Variants in ATP12A observed in about 807,000 individuals in gnomAD.
ATP12A encodes the protein ATPase H+/K+ transporting non-gastric alpha2 subunit, also known as potassium-transporting ATPase alpha chain 2.
Under a neutral mutation model 111.2 loss-of-function variants are expected in ATP12A, and 81 were observed. The ratio of observed to expected loss-of-function variants is 0.73; its 90% CI spans 0.61 to 0.88. ATP12A has a LOEUF of 0.88. Among genes scored for constraint, ATP12A ranks in the 40% least tolerant of loss-of-function variants. The probability of loss-of-function intolerance (pLI) is 0.00; values close to 1 mark genes in which losing one functional copy is unlikely to be tolerated. For missense variants in ATP12A, 1,196 were observed against 1,313.1 expected (o/e 0.91, Z 1.38); for synonymous variants, 498 against 499.8 (o/e 1.00, Z 0.05).
At chr13:24,682,757 C>G (rs946095308) in intron 2 of ATP12A, among the ~76,000 whole-genome samples, 1 of 152,098 alleles carries the variant, frequency 6.6e-6, no homozygotes, top group African/African-American at 2.4e-5. Context: ...CCATCAGAGT[C>G]CCACTTCTCC....
chr13:24,698,674 T>C lies in ATP12A; in HGVS notation c.1529T>C (p.Met510Thr), dbSNP rs1875268723. Reference protein sequence around the residue: ...TNKFQLSIHEMDDPHGKRFLM... With the variant: ...TNKFQLSIHETDDPHGKRFLM... ...CCTTCCCAGCTCTCCATCCACGAGA[T>C]GGATGACCCCCACGGCAAGCGCTTC... Residue 510 changes from methionine (M) to threonine (T), a missense_variant, in exon 12 of 23, where the codon ATG becomes ACG. By Grantham distance (81) the Met-to-Thr change is moderately conservative (BLOSUM62 -1). Transcript: ENST00000381946. 2.5e-6 allele frequency: 4 copies of C among 1,613,582 alleles called. No individual in the cohort carries two copies. The highest frequency in any genetic ancestry group is 3.4e-6 in the Non-Finnish European group (4 of 1,179,960).
intron 3 of ATP12A, 115 bp from the exon 4 acceptor site, chr13:24,688,204 C>G (rs6490973): frequency 0.31 from 368,360 of 1,175,652 alleles, 62,350 homozygotes; most frequent in East Asian, 0.56. Context: ...CCTTCTTTGG[C>G]CACGTTAATG....
intron 8 of ATP12A, among the ~76,000 whole-genome samples, 171 bp from the exon 9 acceptor site, chr13:24,692,258 G>A (rs2070814): frequency 0.24 from 36,487 of 150,830 alleles, 4,804 homozygotes; most frequent in East Asian, 0.47. Flanking sequence ...GGCTCTTGGC[G>A]GCGTATAAGC....
At position 24,691,671 on chromosome 13, in the gene ATP12A, G is replaced by A. The variant is rs563485234; in HGVS notation, c.1068+421G>A. Among the ~76,000 whole-genome samples the A allele has an allele frequency of 2.3e-4, 35 of 152,038 alleles. 1 individual carries two copies. Among genetic ancestry groups the A allele is most frequent in the Admixed American group, 2.2e-3 (33 of 15,280 alleles). ...AAATTCCTCCCATTTTTCCTGCCGAGGACTCCAGCCCTTTCCTGGCCAACC... is the reference window on the plus strand; with the variant it reads ...AAATTCCTCCCATTTTTCCTGCCGAAGACTCCAGCCCTTTCCTGGCCAACC... On this transcript the variant is annotated intron_variant, in intron 8 of 22. Coordinates refer to ENST00000381946, the MANE Select transcript of ATP12A (RefSeq NM_001676.7).
At position 24,698,760 on chromosome 13, in the gene ATP12A, A is replaced by G. The variant is rs1593139153; in HGVS notation, c.1615A>G (p.Asn539Asp). The G allele has an allele frequency of 3.7e-6, 6 of 1,614,058 alleles. No homozygotes were observed. The highest frequency in any genetic ancestry group is 2.7e-5 in the African/African-American group (2 of 75,030). Residue 539 changes from asparagine to aspartate, a missense_variant, in exon 12 of 23, where the codon AAC becomes GAC. This residue lies in a region of ATP12A where 1,126 missense variants were observed against 1,228.5 expected (regional missense o/e 0.92). Coordinates refer to ENST00000381946, the MANE Select transcript of ATP12A (RefSeq NM_001676.7). ...AGAGAAATGCAGCACCATCATGATC[A>G]ACGGCGAGGAGCACCCACTGGACAA... ...ILEKCSTIMI[N>D]GEEHPLDKST...
intron 11 of ATP12A, among the ~76,000 whole-genome samples, chr13:24,695,869 A>G (rs1414340294): frequency 6.6e-6 from 1 of 152,162 alleles, no homozygotes; most frequent in East Asian, 1.9e-4. Flanking sequence ...TTGGCCTCCC[A>G]AAGTGCTGGG....
At chr13:24,702,684 G>C (rs1027772819) in intron 14 of ATP12A, among the ~76,000 whole-genome samples, 1 of 152,120 alleles carries the variant, frequency 6.6e-6, no homozygotes, top group Non-Finnish European at 1.5e-5. Flanking sequence ...AGTATTTACT[G>C]CGTGCCAACT....
At chr13:24,709,511 C>A in intron 18 of ATP12A, 24 bp downstream of exon 18, 3 of 1,610,406 alleles carry the variant, frequency 1.9e-6, no homozygotes, top group Non-Finnish European at 2.5e-6. Flanking sequence ...GCGTCTTCCC[C>A]ATCACACGAG....
intron 8 of ATP12A, 22 bp from the exon 9 acceptor site, chr13:24,692,407 G>A (rs748974707): frequency 8.7e-6 from 14 of 1,609,472 alleles, no homozygotes; most frequent in Admixed American, 6.7e-5. Context: ...TTTTCCCAAA[G>A]CGTCCTTCCC....
At chr13:24,696,502 C>T (rs1228006948) in intron 11 of ATP12A, among the ~76,000 whole-genome samples, 2 of 73,184 alleles carry the variant, frequency 2.7e-5, no homozygotes, top group Non-Finnish European at 5.7e-5. Flanking sequence ...GTCAGGAGAT[C>T]GAGACCATCC....
intron 3 of ATP12A, among the ~76,000 whole-genome samples, chr13:24,686,164 C>T (rs1176271456): frequency 2.0e-5 from 3 of 152,190 alleles, no homozygotes; most frequent in East Asian, 3.9e-4. Context: ...AGGGGCCAGA[C>T]GTGGTGGCTC....
In ATP12A at chr13:24,702,084, G is replaced by A; in HGVS notation, c.2018+13G>A. 1 of 1,614,156 alleles carries A rather than the reference G, an allele frequency of 6.2e-7. No individual in the cohort carries two copies. Among genetic ancestry groups the A allele is most frequent in the Non-Finnish European group, 8.5e-7 (1 of 1,180,016 alleles). On this transcript the variant is annotated intron_variant, in intron 14 of 22. Coordinates refer to ENST00000381946, the MANE Select transcript of ATP12A (RefSeq NM_001676.7). ...AAGTTAACAAACGGTAAGCACAGGAGCAGCATAGTAAAAATTCCAGTTTAT... is the reference window on the plus strand; with the variant it reads ...AAGTTAACAAACGGTAAGCACAGGAACAGCATAGTAAAAATTCCAGTTTAT...
At position 24,702,091 on chromosome 13, in the gene ATP12A, A is replaced by G. The variant is rs760020943; in HGVS notation, c.2018+20A>G. ...CAAACGGTAAGCACAGGAGCAGCAT[A>G]GTAAAAATTCCAGTTTATACCCATG... On this transcript the variant is annotated intron_variant, in intron 14 of 22. Transcript: ENST00000381946. 2.6e-5 allele frequency: 42 copies of G among 1,613,976 alleles called. No individual in the cohort carries two copies. The Admixed American group carries it at 7.0e-4, about 27-fold the overall frequency.
chr13:24,709,860 C>T (rs753806700), intron 19 of ATP12A, 32 bp downstream of exon 19: 1 of 1,611,166 alleles, frequency 6.2e-7, no homozygotes, highest in Non-Finnish European at 8.5e-7. Context: ...GCAGAGTCCA[C>T]CTGATTCTCT....
chr13:24,690,107 C>A (rs1244385665), intron 5 of ATP12A, among the ~76,000 whole-genome samples: 1 of 152,046 alleles, frequency 6.6e-6, no homozygotes, highest in African/African-American at 2.4e-5. Context: ...GTCTTCAGGC[C>A]TCGGGTGAAG....
chr13:24,698,994 GGA>G (rs1469949641), intron 12 of ATP12A, 144 bp downstream of exon 12: 1 of 1,087,060 alleles, frequency 9.2e-7, no homozygotes, highest in African/African-American at 1.6e-5. Flanking sequence ...ATGGGAACAA[GGA>G]GAGGATGCTG....
chr13:24,709,261 CCACCCCATCCAGCCAGTGCCCCA>C, intron 17 of ATP12A, 80 bp from the exon 18 acceptor site: 1 of 517,578 alleles, frequency 1.9e-6, no homozygotes, highest in South Asian at 2.4e-5. Context: ...TCCATGCCCC[CCACCCCATCCAGCCAGTGCCCCA>C]CCCACCCCAG....
chr13:24,698,588 T>C (rs1875263564), intron 11 of ATP12A, 70 bp from the exon 12 acceptor site: 1 of 1,484,878 alleles, frequency 6.7e-7, no homozygotes, highest in Non-Finnish European at 9.1e-7. Flanking sequence ...TTACATTTAA[T>C]GGACCAGTAG....
Position 24,681,457 on chromosome 13 carries a change from G to A in ATP12A, c.10-105G>A, listed in dbSNP as rs1232291490. The A allele has an allele frequency of 2.2e-6, 3 of 1,351,348 alleles. No individual in the cohort carries two copies. The East Asian group carries it at 6.9e-5, about 31-fold the overall frequency. 83.7% of individuals were successfully genotyped at this position (1,351,348 alleles called of 1,614,324 possible). On this transcript the variant is annotated intron_variant, in intron 1 of 22. Coordinates refer to ENST00000381946, the MANE Select transcript of ATP12A (RefSeq NM_001676.7). ...TCCCCAGAGGAGGGAAGGAAAGGGA[G>A]AAGGGGCTCCTGACTCCTGCAGGTC...
Sources: allele counts gnomAD v4.1 joint callset (sites outside exome capture counted in the v4.1 genomes callset), GRCh38; gene constraint gnomAD v4.1.1; regional missense constraint gnomAD v4.1.1; transcripts MANE v1.5; gene names NCBI Gene and HGNC (gene_info 2026-07-23, HGNC 2026-07-21).